The following MAPKAP1 variants were observed in gnomAD, a reference collection of about 807,000 sequenced individuals.
The protein encoded by MAPKAP1 is MAPK associated protein 1.
MAPKAP1 carries 20 observed loss-of-function variants against 65.7 expected under a neutral mutation model. The observed-to-expected ratio is 0.30, with a 90% CI of 0.21 to 0.44. The LOEUF is 0.44. Among genes scored for constraint, MAPKAP1 ranks in the 20% least tolerant of loss-of-function variants. MAPKAP1 has a pLI of 1.00. For missense variants in MAPKAP1, 423 were observed against 648.0 expected (o/e 0.65, Z 3.77); for synonymous variants, 222 against 244.3 (o/e 0.91, Z 0.85).
At chr9:125,695,822 G>C (rs1318045604) in intron 1 of MAPKAP1, among the ~76,000 whole-genome samples, 1 of 151,536 alleles carries the variant, frequency 6.6e-6, no homozygotes, top group Non-Finnish European at 1.5e-5. Context: ...TCCACCTCCC[G>C]GGTTCAATTG....
rs1395390678 is a variant in MAPKAP1 at position 125,693,866 on chromosome 9, CACACACAT to C, written c.-70+13097_-70+13104del. 2.8e-4 allele frequency among the ~76,000 whole-genome samples: 42 copies of C among 151,388 alleles called. 1 individual carries two copies. Among genetic ancestry groups the C allele is most frequent in the Non-Finnish European group, 4.9e-4 (33 of 67,806 alleles). On this transcript the variant is annotated intron_variant, in intron 1 of 11. Transcript: ENST00000265960. ...ACACATACACACACACACACACACA[CACACACAT>C]ATATATATAGTTGGCCGGGCATAGG... is the stretch of plus-strand genomic sequence containing the variant.
intron 7 of MAPKAP1, among the ~76,000 whole-genome samples, chr9:125,511,465 C>A (rs1361195277): frequency 6.6e-6 from 1 of 152,162 alleles, no homozygotes; most frequent in Non-Finnish European, 1.5e-5. Flanking sequence ...CTGCCCAGGC[C>A]TGCACTCTCT....
intron 4 of MAPKAP1, among the ~76,000 whole-genome samples, chr9:125,653,465 G>C (rs955037466): frequency 1.3e-5 from 2 of 152,228 alleles, no homozygotes; most frequent in African/African-American, 2.4e-5. Context: ...CATCTTAGGA[G>C]ATGAGGATGC....
At chr9:125,702,618 G>A (rs1276027152) in intron 1 of MAPKAP1, among the ~76,000 whole-genome samples, 1 of 152,006 alleles carries the variant, frequency 6.6e-6, no homozygotes, top group Non-Finnish European at 1.5e-5. Flanking sequence ...TTGAGAGCCT[G>A]AAGCAGGCGG....
chr9:125,576,800 C>T (rs1354432427), intron 5 of MAPKAP1, among the ~76,000 whole-genome samples: 2 of 152,166 alleles, frequency 1.3e-5, no homozygotes, highest in African/African-American at 4.8e-5. Context: ...GGATTGCAGA[C>T]GGAGTCTCGT....
chr9:125,603,166 T>C (rs373680908), intron 4 of MAPKAP1, among the ~76,000 whole-genome samples: 18 of 151,976 alleles, frequency 1.2e-4, no homozygotes, highest in African/African-American at 4.1e-4. Context: ...ACTTTGGCAC[T>C]CCAACATGTT....
Position 125,669,851 on chromosome 9 carries a change from T to C in MAPKAP1, c.316A>G (p.Ile106Val). Residue 106 changes from isoleucine (I) to valine (V), a missense_variant, in exon 3 of 12, where the codon ATT (isoleucine) becomes GTT (valine). Physicochemically the swap from Ile to Val is conservative, Grantham distance 29. Around this residue, in one of 6 missense-constraint regions of MAPKAP1, gnomAD observed 67 missense variants for 69.6 expected, o/e 0.96. Coordinates refer to ENST00000265960, the MANE Select transcript of MAPKAP1 (RefSeq NM_001006617.3). ...ERQNQIKCKNIQWKERNSKQS... is the reference protein window; with the variant it reads ...ERQNQIKCKNVQWKERNSKQS... ...TTAGAATTTCTTTCTTTCCACTGAA[T>C]ATTTTTGCATTTGATCTGGTTTTGT... 1 of 1,592,884 alleles carries C rather than the reference T, an allele frequency of 6.3e-7. No homozygotes were observed. Among genetic ancestry groups the C allele is most frequent in the Non-Finnish European group, 8.6e-7 (1 of 1,166,974 alleles).
intron 4 of MAPKAP1, among the ~76,000 whole-genome samples, chr9:125,643,503 C>T (rs970033823): frequency 6.6e-6 from 1 of 152,090 alleles, no homozygotes; most frequent in Non-Finnish European, 1.5e-5. Flanking sequence ...CCTATACATG[C>T]TATTTTTTAA....
chr9:125,511,909 C>T (rs905097450), intron 7 of MAPKAP1, among the ~76,000 whole-genome samples: 3 of 152,162 alleles, frequency 2.0e-5, no homozygotes, highest in African/African-American at 7.2e-5. Flanking sequence ...TTGGGCATTC[C>T]AATGATGTAT....
At chr9:125,698,538 C>T (rs867578043) in intron 1 of MAPKAP1, among the ~76,000 whole-genome samples, 6 of 151,302 alleles carry the variant, frequency 4.0e-5, no homozygotes, top group South Asian at 4.2e-4. Context: ...GACAGGGTTT[C>T]GCCATGTTGG....
At chr9:125,486,288 A>C (rs1854497950) in intron 8 of MAPKAP1, among the ~76,000 whole-genome samples, 1 of 152,220 alleles carries the variant, frequency 6.6e-6, no homozygotes, top group Non-Finnish European at 1.5e-5. Context: ...CTGGACTTTG[A>C]AATGTGGACT....
rs140702798 is a variant in MAPKAP1 at position 125,693,089 on chromosome 9, C to T, written c.-70+13882G>A. On this transcript the variant is annotated intron_variant, in intron 1 of 11. Coordinates refer to ENST00000265960, the MANE Select transcript of MAPKAP1 (RefSeq NM_001006617.3). ...ACATTCTAATCCACACCAGGGGATC[C>T]GCATGAGAAGCCCCTTATAATATTT... Among the ~76,000 whole-genome samples, 1,229 of 152,182 alleles carry T rather than the reference C, an allele frequency of 8.1e-3. 8 individuals are homozygous for T. The highest frequency in any genetic ancestry group is 0.014 in the Non-Finnish European group (951 of 67,990).
intron 8 of MAPKAP1, among the ~76,000 whole-genome samples, chr9:125,489,451 A>G (rs1854620020): frequency 6.6e-6 from 1 of 152,208 alleles, no homozygotes; most frequent in African/African-American, 2.4e-5. Flanking sequence ...AAAACGCTCA[A>G]GCTGCAATAA....
chr9:125,485,699 C>G (rs536238271), intron 8 of MAPKAP1, among the ~76,000 whole-genome samples: 1 of 152,260 alleles, frequency 6.6e-6, no homozygotes, highest in Non-Finnish European at 1.5e-5. Flanking sequence ...CTAGCTCAAA[C>G]TCTACCTCTC....
At chr9:125,581,778 A>G (rs1264198928) in intron 5 of MAPKAP1, among the ~76,000 whole-genome samples, 1 of 152,126 alleles carries the variant, frequency 6.6e-6, no homozygotes, top group Non-Finnish European at 1.5e-5. Context: ...AATTAATACA[A>G]GATACATGAT....
chr9:125,580,430 A>C (rs1831583025), intron 5 of MAPKAP1, among the ~76,000 whole-genome samples: 1 of 146,550 alleles, frequency 6.8e-6, no homozygotes, highest in African/African-American at 2.4e-5. Context: ...GCAAACTATC[A>C]CAAGGACAGA....
At chr9:125,470,781 T>C (rs1853885507) in intron 9 of MAPKAP1, among the ~76,000 whole-genome samples, 1 of 152,220 alleles carries the variant, frequency 6.6e-6, no homozygotes, top group South Asian at 2.1e-4. Context: ...ACAGGTGGGA[T>C]ATCATTTAGA....
intron 8 of MAPKAP1, among the ~76,000 whole-genome samples, chr9:125,503,880 C>CTTTTTTTTTTTTTTTTTTTTTTTTTT (rs35867576): frequency 4.5e-5 from 3 of 66,258 alleles, no homozygotes; most frequent in Non-Finnish European, 7.6e-5. Context: ...CCACGCTTGG[C>CTTTTTTTTTTTTTTTTTTTTTTTTTT]TTTTTTTTTT....
intron 5 of MAPKAP1, among the ~76,000 whole-genome samples, chr9:125,577,013 C>T (rs1404222050): frequency 6.6e-6 from 1 of 151,630 alleles, no homozygotes; most frequent in African/African-American, 2.4e-5. Context: ...CTCTGCCTGG[C>T]TGCCCAGTCT....
Sources: gnomAD v4.1 joint callset for allele counts (sites outside exome capture counted in the v4.1 genomes callset) on GRCh38, gnomAD v4.1.1 for gene constraint, gnomAD v4.1.1 regional missense constraint, MANE v1.5 for transcripts, NCBI Gene and HGNC (gene_info 2026-07-23, HGNC 2026-07-21) for gene names.